The following HSP90AA1 variants were observed in gnomAD, a reference collection of about 807,000 sequenced individuals.
HSP90AA1 encodes heat shock protein 90 alpha family class A member 1.
Under a neutral mutation model 73.3 loss-of-function variants are expected in HSP90AA1, and 18 were observed. The observed-to-expected ratio is 0.25, with a 90% CI of 0.17 to 0.36. HSP90AA1 has a LOEUF of 0.36. Ranked by LOEUF, HSP90AA1 falls within the 10% of genes least tolerant of loss-of-function variation. HSP90AA1 has a pLI of 1.00. For missense variants in HSP90AA1, 704 were observed against 874.2 expected (o/e 0.81, Z 2.45); for synonymous variants, 477 against 296.9 (o/e 1.61, Z -6.24).
chr14:102,102,463 A>G (rs559104517), intron 1 of HSP90AA1, among the ~76,000 whole-genome samples: 6 of 152,344 alleles, frequency 3.9e-5, no homozygotes, highest in African/African-American at 1.4e-4. Context: ...CAACTGCAGG[A>G]GAGCTGCACT....
chr14:102,110,788 A>G (rs1317419649), intron 1 of HSP90AA1, among the ~76,000 whole-genome samples: 1 of 151,966 alleles, frequency 6.6e-6, no homozygotes, highest in Non-Finnish European at 1.5e-5. Context: ...TCACCGTGTT[A>G]GCCAGGATGG....
chr14:102,092,195 A>T (rs1469331887), intron 2 of HSP90AA1, among the ~76,000 whole-genome samples: 1 of 151,738 alleles, frequency 6.6e-6, no homozygotes, highest in Non-Finnish European at 1.5e-5. Context: ...CTGTCTCCCA[A>T]GTAGCTGGGA....
intron 2 of HSP90AA1, among the ~76,000 whole-genome samples, chr14:102,094,301 G>C (rs200736424): frequency 1.3e-5 from 2 of 152,230 alleles, no homozygotes; most frequent in Non-Finnish European, 2.9e-5. Flanking sequence ...GAGCCTTACT[G>C]TTCATTATTT....
At chr14:102,130,823 G>C (rs1207531952) in intron 1 of HSP90AA1, among the ~76,000 whole-genome samples, 3 of 152,046 alleles carry the variant, frequency 2.0e-5, no homozygotes, top group Non-Finnish European at 2.9e-5. Flanking sequence ...TCAACCTCCT[G>C]GGCTCAAGTG....
Position 102,100,566 on chromosome 14 carries a change from C to T in HSP90AA1, c.366+1309G>A, listed in dbSNP as rs574313604. ...TCAGCATCCCGAGTAGTTGGGATTA[C>T]AGGCATGCACCATCATGCCCGCCTA... is the stretch of plus-strand genomic sequence containing the variant. On this transcript the variant is annotated intron_variant, in intron 2 of 11. Coordinates refer to the HSP90AA1 transcript ENST00000334701. Among the ~76,000 whole-genome samples, 10 of 152,156 alleles carry T rather than the reference C, an allele frequency of 6.6e-5. No individual in the cohort carries two copies. The South Asian group carries it at 2.1e-3, about 32-fold the overall frequency.
At chr14:102,086,468 C>A in intron 1 of HSP90AA1, 90 bp from the exon 2 acceptor site, 3 of 1,435,644 alleles carry the variant, frequency 2.1e-6, no homozygotes, top group Non-Finnish European at 2.9e-6. Flanking sequence ...ATTTTTAAAG[C>A]CGAATTGGAG....
chr14:102,083,309 T>TA lies in HSP90AA1; in HGVS notation c.1487-8dup. 1.2e-6 allele frequency: 2 copies of TA among 1,614,020 alleles called. No individual in the cohort carries two copies. Among genetic ancestry groups the TA allele is most frequent in the South Asian group, 2.2e-5 (2 of 91,074 alleles). ...ACCTGGTCCTTGGTCTCACCTGAGG[T>TA]ATTACAAAGTTACTTTTAGACCTTT... On this transcript the variant is annotated splice_polypyrimidine_tract_variant and splice_region_variant and intron_variant, in intron 8 of 10. Transcript: ENST00000216281.
intron 2 of HSP90AA1, among the ~76,000 whole-genome samples, chr14:102,101,484 G>A (rs1306664655): frequency 6.6e-6 from 1 of 152,152 alleles, no homozygotes; most frequent in South Asian, 2.1e-4. Context: ...CGCCCCTCCT[G>A]CCCACATTCC....
intron 2 of HSP90AA1, among the ~76,000 whole-genome samples, chr14:102,100,407 C>A (rs937993103): frequency 8.5e-5 from 12 of 141,898 alleles, no homozygotes; most frequent in African/African-American, 3.1e-4. Context: ...CTCAAAAAAA[C>A]AAAATTTCCA....
intron 1 of HSP90AA1, among the ~76,000 whole-genome samples, chr14:102,125,843 T>C (rs942133391): frequency 4.6e-5 from 7 of 152,152 alleles, no homozygotes; most frequent in Non-Finnish European, 8.8e-5. Flanking sequence ...ATTTGGCAAG[T>C]GTGTATTGAG....
intron 1 of HSP90AA1, among the ~76,000 whole-genome samples, chr14:102,120,818 A>G (rs1238538775): frequency 6.6e-6 from 1 of 151,228 alleles, no homozygotes; most frequent in East Asian, 1.9e-4. Context: ...GGCGCCTATA[A>G]TCCCAGCTAC....
upstream of HSP90AA1, among the ~76,000 whole-genome samples, chr14:102,089,360 C>T (rs368760760): frequency 6.6e-6 from 1 of 152,176 alleles, no homozygotes. Context: ...TTTAATGTCC[C>T]TTCTTCCTTC....
intron 1 of HSP90AA1, among the ~76,000 whole-genome samples, chr14:102,117,487 C>T (rs772361459): frequency 3.3e-5 from 5 of 152,150 alleles, no homozygotes; most frequent in East Asian, 1.9e-4. Context: ...CTACCCTCCA[C>T]GCTAGGAGCT....
At chr14:102,125,077 A>G (rs1017982641) in intron 1 of HSP90AA1, among the ~76,000 whole-genome samples, 2 of 152,086 alleles carry the variant, frequency 1.3e-5, no homozygotes, top group African/African-American at 4.8e-5. Context: ...CTGAAGCCTC[A>G]AACTCCTGGG....
At chr14:102,125,201 C>T (rs957336270) in intron 1 of HSP90AA1, among the ~76,000 whole-genome samples, 1 of 152,028 alleles carries the variant, frequency 6.6e-6, no homozygotes, top group African/African-American at 2.4e-5. Flanking sequence ...CTTGTGTTGC[C>T]TAGGCTGGTC....
At chr14:102,096,136 G>A (rs149793656) in intron 2 of HSP90AA1, among the ~76,000 whole-genome samples, 1 of 152,288 alleles carries the variant, frequency 6.6e-6, no homozygotes, top group Non-Finnish European at 1.5e-5. Context: ...AGTTCCCCAA[G>A]GCAGCCTAAT....
intron 1 of HSP90AA1, chr14:102,102,143 G>A (rs551546249): frequency 9.1e-5 from 134 of 1,467,334 alleles, no homozygotes; most frequent in African/African-American, 1.4e-4. Flanking sequence ...GAGATAGGGC[G>A]GCAGAGGATG....
upstream of HSP90AA1, among the ~76,000 whole-genome samples, chr14:102,091,947 C>T (rs1346741660): frequency 2.6e-5 from 4 of 152,060 alleles, no homozygotes; most frequent in Non-Finnish European, 1.5e-5. Flanking sequence ...CATTTTGATA[C>T]ATTTTCTCAT....
exon 1 of HSP90AA1, chr14:102,139,563 C>T: frequency 1.3e-6 from 1 of 789,550 alleles, no homozygotes; most frequent in Non-Finnish European, 2.0e-6. Context: ...TGACACCAGC[C>T]CCGCCGCGGT....
Sources: gnomAD v4.1 joint callset for allele counts (sites outside exome capture counted in the v4.1 genomes callset) on GRCh38, gnomAD v4.1.1 for gene constraint, MANE v1.5 for transcripts, NCBI Gene and HGNC (gene_info 2026-07-23, HGNC 2026-07-21) for gene names.